The following CCDC9 variants were observed in gnomAD, a reference collection of about 807,000 sequenced individuals.
CCDC9 encodes coiled-coil domain containing 9, also known as coiled-coil domain-containing protein 9.
Under a neutral mutation model 65.6 loss-of-function variants are expected in CCDC9, and 52 were observed. The observed-to-expected ratio is 0.79, with a 90% CI of 0.63 to 1.00. The LOEUF (loss-of-function observed/expected upper bound fraction) is 1.00. CCDC9 is among the 50% of genes least tolerant of loss of function. The pLI is 0.00. For synonymous variants in CCDC9, 332 were observed against 280.3 expected (o/e 1.18, Z -1.84); for missense variants, 834 against 757.2 (o/e 1.10, Z -1.19).
chr19:47,262,036 A>T (rs2059049327), intron 5 of CCDC9, among the ~76,000 whole-genome samples: 1 of 151,562 alleles, frequency 6.6e-6, no homozygotes, highest in Admixed American at 6.6e-5. Context: ...AAAAAAAAAT[A>T]ATTAGACTTA....
At chr19:47,261,494 C>T (rs567913787) in intron 5 of CCDC9, among the ~76,000 whole-genome samples, 53 of 152,200 alleles carry the variant, frequency 3.5e-4, no homozygotes, top group African/African-American at 1.2e-3. Context: ...GCTACCTGGC[C>T]TTGGGCAGCT....
At position 47,265,984 on chromosome 19, in the gene CCDC9, C is replaced by CCTTTTTTTTT; in HGVS notation, c.721-627_721-626insCTTTTTTTTT. Among the ~76,000 whole-genome samples the CCTTTTTTTTT allele has an allele frequency of 2.8e-5, 2 of 72,626 alleles. 1 individual carries two copies. Among genetic ancestry groups the CCTTTTTTTTT allele is most frequent in the Non-Finnish European group, 4.6e-5 (2 of 43,028 alleles). 47.6% of individuals were successfully genotyped at this position (72,626 alleles called of 152,430 possible). On this transcript the variant is annotated intron_variant, in intron 7 of 11. Transcript: ENST00000221922. ...TACAGGCGTGAGCCACCGCTCCTGG[C>CCTTTTTTTTT]TTTTTTTTTTTTTTTTTTTTTTTTT... is the stretch of plus-strand genomic sequence containing the variant.
downstream of CCDC9, among the ~76,000 whole-genome samples, chr19:47,272,750 AGTT>A (rs1266288704): frequency 6.6e-6 from 1 of 152,180 alleles, no homozygotes; most frequent in African/African-American, 2.4e-5. Flanking sequence ...CTGGGATTAG[AGTT>A]CCGAGGTGCA....
chr19:47,272,347 AG>A (rs1456658523), downstream of CCDC9, among the ~76,000 whole-genome samples: 1 of 151,932 alleles, frequency 6.6e-6, no homozygotes, highest in African/African-American at 2.4e-5. Flanking sequence ...GGTGGGGCAA[AG>A]GGGCAACTTT....
downstream of CCDC9, chr19:47,273,354 C>T: frequency 8.1e-7 from 1 of 1,231,680 alleles, no homozygotes. Context: ...CTTCTCTCCT[C>T]AGAGGCAGGC....
At position 47,265,984 on chromosome 19, in the gene CCDC9, CT is replaced by C. The variant is rs1158302196; in HGVS notation, c.721-598del. On this transcript the variant is annotated intron_variant, in intron 7 of 11. Coordinates refer to ENST00000221922, the MANE Select transcript of CCDC9 (RefSeq NM_015603.3). ...TACAGGCGTGAGCCACCGCTCCTGG[CT>C]TTTTTTTTTTTTTTTTTTTTTTTTT... 6.6e-3 allele frequency among the ~76,000 whole-genome samples: 479 copies of C among 72,582 alleles called. 74 individuals carry two copies. The highest frequency in any genetic ancestry group is 0.028 in the Admixed American group (183 of 6,506). The allele number at this position is 72,582 out of a possible 152,430, so 47.6% of individuals were successfully genotyped here. A position where few individuals can be genotyped will look rare whatever the true frequency, so the allele number is the denominator to read the frequency against.
At chr19:47,263,417 T>C (rs548714789) in intron 5 of CCDC9, among the ~76,000 whole-genome samples, 1 of 152,202 alleles carries the variant, frequency 6.6e-6, no homozygotes, top group Admixed American at 6.5e-5. Flanking sequence ...GTCCTTTCCC[T>C]GTGGAGTCCC....
chr19:47,268,868 A>C (rs971748577), intron 8 of CCDC9, among the ~76,000 whole-genome samples: 3 of 150,660 alleles, frequency 2.0e-5, no homozygotes, highest in African/African-American at 7.3e-5. Context: ...CAGTGAGCCG[A>C]GATCTCACCA....
chr19:47,274,066 G>GT (rs1277993619), downstream of CCDC9: 2 of 785,736 alleles, frequency 2.5e-6, no homozygotes, highest in Non-Finnish European at 3.1e-6. Flanking sequence ...TTTCCAGGCT[G>GT]TGTTCTTTCT....
At position 47,271,407 on chromosome 19, in the gene CCDC9, A is replaced by T. The variant is rs772881328; in HGVS notation, c.1325A>T (p.Asp442Val). The T allele has an allele frequency of 1.4e-5, 22 of 1,610,140 alleles. No individual in the cohort carries two copies. The highest frequency in any genetic ancestry group is 1.9e-5 in the Non-Finnish European group (22 of 1,178,290). Residue 442 changes from aspartate to valine, a missense_variant, in exon 12 of 12, where the codon GAT becomes GTT. Asp to Val is a radical substitution (Grantham distance 152). Coordinates refer to ENST00000221922, the MANE Select transcript of CCDC9 (RefSeq NM_015603.3). ...GAGGAGATCGAGGTGGAAGAAGGTG[A>T]TGAGGAGGAACCAGCCCAAGACCAC... ...EEEEIEVEEG[D>V]EEEPAQDHQA...
At position 47,271,561 on chromosome 19, in the gene CCDC9, C is replaced by T. The variant is rs2059118045; in HGVS notation, c.1479C>T (p.Pro493=). 6.2e-7 allele frequency: 1 copy of T among 1,613,274 alleles called. No homozygotes were observed. The highest frequency in any genetic ancestry group is 8.5e-7 in the Non-Finnish European group (1 of 1,179,976). ...CGCCTTCCAGCCCTTTCTCACCACC[C>T]AGCGGCCACCAGCCTGTGTCCGATT... ...PGTPSSPFSP[P]SGHQPVSDWG... is the part of the protein sequence containing the mutation. The change falls in exon 12 of 12, where the codon CCC becomes CCT. Residue 493 remains proline, a synonymous_variant. Coordinates refer to ENST00000221922, the MANE Select transcript of CCDC9 (RefSeq NM_015603.3).
At chr19:47,264,444 C>G (rs951869183) in intron 5 of CCDC9, among the ~76,000 whole-genome samples, 159 bp from the exon 6 acceptor site, 1 of 152,252 alleles carries the variant, frequency 6.6e-6, no homozygotes, top group African/African-American at 2.4e-5. Context: ...CCAGCCTCAT[C>G]AGTTCACTGC....
chr19:47,275,133 CCG>C, downstream of CCDC9: 1 of 1,490,784 alleles, frequency 6.7e-7, no homozygotes, highest in Non-Finnish European at 8.9e-7. Context: ...GCCCAGCGCG[CCG>C]TCCCCTCCGT....
At chr19:47,273,269 G>C (rs1475393705), downstream of CCDC9, 1 of 777,330 alleles carries the variant, frequency 1.3e-6, no homozygotes, top group East Asian at 3.4e-5. Context: ...CTGGATGAGA[G>C]ACGTGGCTAG....
rs1009170257 is a variant in CCDC9 at position 47,258,114 on chromosome 19, G to C, written c.-71-216G>C. 1.3e-4 allele frequency: 70 copies of C among 527,124 alleles called. 1 individual carries two copies. The highest frequency in any genetic ancestry group is 9.4e-4 in the South Asian group (43 of 45,950). 32.7% of individuals were successfully genotyped at this position (527,124 alleles called of 1,614,324 possible). ...GTGGGTTTGACTAGATCGTTTACAT[G>C]GGAACTGGGTGAGTCCACAAAGATC... On this transcript the variant is annotated intron_variant, in intron 1 of 11. Transcript: ENST00000221922.
chr19:47,266,532 G>T (rs894674291), intron 7 of CCDC9, 79 bp from the exon 8 acceptor site: 1 of 1,442,068 alleles, frequency 6.9e-7, no homozygotes, highest in Non-Finnish European at 9.1e-7. Flanking sequence ...GTGATCCTGA[G>T]CAAGTGGATG....
At chr19:47,273,944 T>C (rs1441707394), downstream of CCDC9, 2 of 982,702 alleles carry the variant, frequency 2.0e-6, no homozygotes, top group Admixed American at 1.2e-4. Context: ...TTCTGATCCG[T>C]CTTCCCTCCC....
chr19:47,263,334 C>T (rs2059057920), intron 5 of CCDC9, among the ~76,000 whole-genome samples: 1 of 152,054 alleles, frequency 6.6e-6, no homozygotes, highest in South Asian at 2.1e-4. Context: ...TGAAAGAGAT[C>T]ACAAAGCAAA....
At position 47,271,732 on chromosome 19, in the gene CCDC9, T is replaced by TGTGTGTGTGTGTGG. The variant is rs2059123882; in HGVS notation, c.*55_*56insTGTGTGTGTGTGGG. 1.9e-6 allele frequency: 1 copy of TGTGTGTGTGTGTGG among 528,234 alleles called. No homozygotes were observed. The highest frequency in any genetic ancestry group is 2.4e-6 in the Non-Finnish European group (1 of 413,472). 32.7% of individuals were successfully genotyped at this position (528,234 alleles called of 1,614,324 possible). A position where few individuals can be genotyped will look rare whatever the true frequency, so the allele number is the denominator to read the frequency against. On this transcript the variant is annotated 3_prime_UTR_variant, in exon 12 of 12. Coordinates refer to ENST00000221922, the MANE Select transcript of CCDC9 (RefSeq NM_015603.3). ...GTGTGTGTGTGTGTGTGTGTGTGTGTGCGCGCGCGCGCGCGCGCGCGCGCG... is the reference window on the plus strand; with the variant it reads ...GTGTGTGTGTGTGTGTGTGTGTGTGTGTGTGTGTGTGTGGGCGCGCGCGCGCGCGCGCGCGCGCG...
Sources: gnomAD v4.1 joint callset for allele counts (sites outside exome capture counted in the v4.1 genomes callset) on GRCh38, gnomAD v4.1.1 for gene constraint, MANE v1.5 for transcripts, NCBI Gene and HGNC (gene_info 2026-07-23, HGNC 2026-07-21) for gene names.